The following GUCY1A2 variants were observed in gnomAD, a reference collection of about 807,000 sequenced individuals.
GUCY1A2 encodes the protein guanylate cyclase 1 soluble subunit alpha 2, also known as guanylate cyclase soluble subunit alpha-2.
A neutral mutation model predicts 63.5 loss-of-function variants in GUCY1A2; 27 were observed. That is an observed-to-expected ratio of 0.43 (90% CI 0.31 to 0.59). GUCY1A2 has a LOEUF of 0.59. Among genes scored for constraint, GUCY1A2 ranks in the 20% least tolerant of loss-of-function variants. GUCY1A2 has a pLI of 0.11. For synonymous variants in GUCY1A2, 364 were observed against 343.5 expected (o/e 1.06, Z -0.66); for missense variants, 768 against 913.3 (o/e 0.84, Z 2.05).
intron 3 of GUCY1A2, among the ~76,000 whole-genome samples, chr11:106,965,184 C>T (rs1374553504): frequency 6.6e-6 from 1 of 151,862 alleles, no homozygotes; most frequent in Non-Finnish European, 1.5e-5. Context: ...AAGAGCGGTA[C>T]TCCTTTCCTG....
intron 4 of GUCY1A2, among the ~76,000 whole-genome samples, chr11:106,934,525 T>C (rs903057095): frequency 1.3e-5 from 2 of 152,158 alleles, no homozygotes; most frequent in African/African-American, 4.8e-5. Context: ...CAGAAAAAGG[T>C]GGGCAACTGT....
chr11:106,874,709 A>G (rs1481166358), intron 4 of GUCY1A2, among the ~76,000 whole-genome samples: 6 of 152,134 alleles, frequency 3.9e-5, no homozygotes, highest in Non-Finnish European at 8.8e-5. Flanking sequence ...TTAGCAACAG[A>G]ACTACTCTCT....
At chr11:106,888,876 C>A (rs138242565) in intron 4 of GUCY1A2, among the ~76,000 whole-genome samples, 7 of 152,202 alleles carry the variant, frequency 4.6e-5, no homozygotes, top group Admixed American at 2.6e-4. Flanking sequence ...TTTAACACTT[C>A]TTGAGGACAG....
intron 4 of GUCY1A2, among the ~76,000 whole-genome samples, chr11:106,872,823 T>C (rs1251012788): frequency 6.6e-6 from 1 of 152,180 alleles, no homozygotes; most frequent in Non-Finnish European, 1.5e-5. Flanking sequence ...TAAATTCAGC[T>C]ACACATGTGC....
At chr11:106,980,144 C>G (rs560842740) in intron 2 of GUCY1A2, among the ~76,000 whole-genome samples, 1 of 152,248 alleles carries the variant, frequency 6.6e-6, no homozygotes, top group East Asian at 1.9e-4. Context: ...AGAAATAGAG[C>G]AAAATTGGGA....
chr11:106,941,956 C>G (rs914447138), intron 3 of GUCY1A2, among the ~76,000 whole-genome samples: 1 of 152,148 alleles, frequency 6.6e-6, no homozygotes, highest in African/African-American at 2.4e-5. Context: ...ATAAAAATAT[C>G]ACCACTCATG....
rs1858946557 is a variant in GUCY1A2, at chr11:106,824,882, G to T, written c.1207-14404C>A. On this transcript the variant is annotated intron_variant, in intron 4 of 7. Coordinates refer to ENST00000526355, the MANE Select transcript of GUCY1A2 (RefSeq NM_000855.3). ...AAAAAAATTCAGGCAACTTCCAGAA[G>T]AAGGCTGCAAACATGCTTCAGCAAT... The T allele has an allele frequency of 5.6e-6, 9 of 1,612,308 alleles. No individual in the cohort carries two copies. In the South Asian group the frequency reaches 9.9e-5, roughly 18 times the overall value.
chr11:106,770,801 C>T (rs943090034), intron 6 of GUCY1A2, among the ~76,000 whole-genome samples: 1 of 148,940 alleles, frequency 6.7e-6, no homozygotes, highest in Non-Finnish European at 1.5e-5. Context: ...TGCTTTTGCA[C>T]CAGGCAGTAA....
intron 3 of GUCY1A2, among the ~76,000 whole-genome samples, chr11:106,952,112 C>T (rs1349397517): frequency 6.6e-6 from 1 of 152,090 alleles, no homozygotes; most frequent in Non-Finnish European, 1.5e-5. Context: ...GGTTTTGGTA[C>T]CAGTACCATG....
At chr11:106,705,924 T>TGAAA (rs1292221921) in intron 7 of GUCY1A2, among the ~76,000 whole-genome samples, 1 of 152,124 alleles carries the variant, frequency 6.6e-6, no homozygotes, top group Non-Finnish European at 1.5e-5. Context: ...GATGTCACAA[T>TGAAA]GAAAGACTGA....
chr11:106,698,119 A>ATTTTTTTTTTTTTTTTTTTTTTTT lies in GUCY1A2; in HGVS notation c.1992-10364_1992-10363insAAAAAAAAAAAAAAAAAAAAAAAA, dbSNP rs71470827. ...TTTACAGCTTTCACTGAATGTTAGA[A>ATTTTTTTTTTTTTTTTTTTTTTTT]TTTTTTTTTTTTTTTTTTTAGACAG... On this transcript the variant is annotated intron_variant, in intron 7 of 7. Coordinates refer to ENST00000526355, the MANE Select transcript of GUCY1A2 (RefSeq NM_000855.3). Among the ~76,000 whole-genome samples the ATTTTTTTTTTTTTTTTTTTTTTTT allele has an allele frequency of 6.0e-3, 601 of 100,384 alleles. 66 individuals carry two copies. Among genetic ancestry groups the ATTTTTTTTTTTTTTTTTTTTTTTT allele is most frequent in the African/African-American group, 8.8e-3 (191 of 21,780 alleles). The allele number at this position is 100,384 out of a possible 152,430, so 65.9% of individuals were successfully genotyped here. A position where few individuals can be genotyped will look rare whatever the true frequency, so the allele number is the denominator to read the frequency against.
chr11:106,934,058 G>A (rs893030695), intron 4 of GUCY1A2, among the ~76,000 whole-genome samples: 7 of 152,028 alleles, frequency 4.6e-5, no homozygotes, highest in Admixed American at 2.6e-4. Context: ...ATATACCCAC[G>A]TAACAAACCC....
chr11:106,943,619 A>G (rs1275840948), intron 3 of GUCY1A2, among the ~76,000 whole-genome samples: 7 of 152,324 alleles, frequency 4.6e-5, no homozygotes, highest in Admixed American at 4.6e-4. Flanking sequence ...CTGCGTATCT[A>G]TCACTGGCAT....
rs149291520 is a variant in GUCY1A2, at chr11:106,889,338, A to C, written c.1206+50122T>G. Among the ~76,000 whole-genome samples the C allele has an allele frequency of 2.8e-3, 425 of 152,332 alleles. 1 individual carries two copies. The highest frequency in any genetic ancestry group is 9.6e-3 in the African/African-American group (401 of 41,590). On this transcript the variant is annotated intron_variant, in intron 4 of 7. Coordinates refer to ENST00000526355, the MANE Select transcript of GUCY1A2 (RefSeq NM_000855.3). The stretch of plus-strand genomic sequence containing the variant: ...TTGTGGAGATAGAAGCTTCAAGACA[A>C]ATCAGACAAAAGTCAAATGACAGAA...
chr11:106,977,516 G>A (rs192964849), intron 3 of GUCY1A2, among the ~76,000 whole-genome samples: 1 of 152,180 alleles, frequency 6.6e-6, no homozygotes, highest in Admixed American at 6.5e-5. Context: ...ATACAATTTT[G>A]TGTTTACAAA....
intron 3 of GUCY1A2, among the ~76,000 whole-genome samples, chr11:106,943,284 A>G (rs1214137430): frequency 3.9e-5 from 6 of 152,224 alleles, no homozygotes; most frequent in African/African-American, 1.4e-4. Context: ...CTTACAGTAA[A>G]TCATTTGAAA....
At chr11:106,830,615 C>T (rs1859037446) in intron 4 of GUCY1A2, among the ~76,000 whole-genome samples, 1 of 152,226 alleles carries the variant, frequency 6.6e-6, no homozygotes, top group African/African-American at 2.4e-5. Flanking sequence ...TGGATGCTTC[C>T]TGCTCTCGAA....
chr11:106,918,287 T>C lies in GUCY1A2; in HGVS notation c.1206+21173A>G, dbSNP rs975280190. On this transcript the variant is annotated intron_variant, in intron 4 of 7. Transcript: ENST00000526355. ...TGGTAAATGCAATTTTCTCTATTTATTACATTTGCAGTGACACTGCAGAGC... is the reference window on the plus strand; with the variant it reads ...TGGTAAATGCAATTTTCTCTATTTACTACATTTGCAGTGACACTGCAGAGC... Among the ~76,000 whole-genome samples, 2 of 145,314 alleles carry C rather than the reference T, an allele frequency of 1.4e-5. 1 individual carries two copies. The highest frequency in any genetic ancestry group is 4.9e-5 in the African/African-American group (2 of 40,826).
intron 4 of GUCY1A2, among the ~76,000 whole-genome samples, chr11:106,825,741 A>G (rs1858960620): frequency 6.6e-6 from 1 of 152,130 alleles, no homozygotes; most frequent in Non-Finnish European, 1.5e-5. Flanking sequence ...ACATGCTAAC[A>G]CTGACGATAG....
Sources: allele counts gnomAD v4.1 joint callset (sites outside exome capture counted in the v4.1 genomes callset), GRCh38; gene constraint gnomAD v4.1.1; transcripts MANE v1.5; gene names NCBI Gene and HGNC (gene_info 2026-07-23, HGNC 2026-07-21).